Variants in ACACA observed in about 807,000 individuals in gnomAD.
The protein encoded by ACACA is acetyl-CoA carboxylase alpha, also known as acetyl-CoA carboxylase 1.
A neutral mutation model predicts 296.1 loss-of-function variants in ACACA; 103 were observed. The ratio of observed to expected loss-of-function variants is 0.35; its 90% CI spans 0.30 to 0.41. ACACA has a LOEUF of 0.41. Ranked by LOEUF, ACACA falls within the 10% of genes least tolerant of loss-of-function variation. The pLI is 1.00. For synonymous variants in ACACA, 953 were observed against 1,038.6 expected, an observed-to-expected ratio of 0.92 and a Z score of 1.58; for missense variants, 1,554 against 2,989.7, an observed-to-expected ratio of 0.52 and a Z score of 11.20.
intron 49 of ACACA, among the ~76,000 whole-genome samples, chr17:37,121,902 C>T (rs2074544480): frequency 6.6e-6 from 1 of 152,206 alleles, no homozygotes; most frequent in South Asian, 2.1e-4. Context: ...ATTGACGTCA[C>T]ACTGCTGAAT....
At chr17:37,400,740 C>CTGTGTCTGTG (rs1555675216) in intron 1 of ACACA, among the ~76,000 whole-genome samples, 1 of 147,460 alleles carries the variant, frequency 6.8e-6, no homozygotes, top group Non-Finnish European at 1.5e-5. Flanking sequence ...GTGTGTGTGT[C>CTGTGTCTGTG]TGTGTGTGTG....
At chr17:37,249,936 C>T (rs890365332) in intron 16 of ACACA, among the ~76,000 whole-genome samples, 2 of 152,324 alleles carry the variant, frequency 1.3e-5, no homozygotes, top group South Asian at 4.1e-4. Flanking sequence ...ATAAGTCTCA[C>T]GAGAGCTGAT....
chr17:37,301,018 TACAAA>T (rs1303081481), intron 3 of ACACA, among the ~76,000 whole-genome samples: 1 of 152,160 alleles, frequency 6.6e-6, no homozygotes, highest in East Asian at 1.9e-4. Flanking sequence ...CTTAAGTGTC[TACAAA>T]ACAAACTTGT....
At chr17:37,378,012 A>G in intron 1 of ACACA, 1 of 1,542,702 alleles carries the variant, frequency 6.5e-7, no homozygotes, top group South Asian at 1.1e-5. Context: ...ATTCCAAAAA[A>G]TTTTTACCTT....
At chr17:37,356,298 T>C (rs180853509) in intron 1 of ACACA, among the ~76,000 whole-genome samples, 151,739 of 152,352 alleles carry the variant, frequency 1, 75,564 homozygotes, top group Middle Eastern at 1. Flanking sequence ...GCCAATGAGT[T>C]TCTACTGTTT....
intron 41 of ACACA, among the ~76,000 whole-genome samples, chr17:37,165,002 A>AG (rs1455285499): frequency 6.6e-6 from 1 of 152,200 alleles, no homozygotes; most frequent in East Asian, 1.9e-4. Context: ...GCAATTGGCT[A>AG]GGTCATTATG....
intron 11 of ACACA, among the ~76,000 whole-genome samples, chr17:37,262,837 C>T (rs1237394417): frequency 6.6e-6 from 1 of 152,076 alleles, no homozygotes; most frequent in African/African-American, 2.4e-5. Context: ...TCAAGTGATC[C>T]TCCCACCTCA....
intron 45 of ACACA, chr17:37,144,450 T>C: frequency 3.5e-6 from 1 of 287,824 alleles, no homozygotes; most frequent in Non-Finnish European, 6.7e-6. Context: ...CTTCCCTTCT[T>C]GAGCCTCCAT....
At position 37,085,459 on chromosome 17, in the gene ACACA, T is replaced by C; in HGVS notation, c.*1857A>G. 2.5e-6 allele frequency: 1 copy of C among 397,156 alleles called. No homozygotes were observed. 24.6% of individuals were successfully genotyped at this position (397,156 alleles called of 1,614,324 possible). On this transcript the variant is annotated 3_prime_UTR_variant, in exon 56 of 56. Coordinates refer to ENST00000616317, the MANE Select transcript of ACACA (RefSeq NM_198834.3). ...TGCAGGACTTCATACCACTTGTAGATATGTGGGATTTGATTTATTGCAAAA... is the reference window on the plus strand; with the variant it reads ...TGCAGGACTTCATACCACTTGTAGACATGTGGGATTTGATTTATTGCAAAA...
intron 10 of ACACA, among the ~76,000 whole-genome samples, chr17:37,267,996 A>C (rs2081871906): frequency 6.6e-6 from 1 of 151,630 alleles, no homozygotes; most frequent in Admixed American, 6.6e-5. Context: ...CCTGATATTG[A>C]CTTCTTAATT....
In ACACA at chr17:37,245,156, T is replaced by C; in HGVS notation, c.2519A>G (p.Lys840Arg). 1.9e-6 allele frequency: 3 copies of C among 1,614,212 alleles called. No individual in the cohort carries two copies. The highest frequency in any genetic ancestry group is 2.5e-6 in the Non-Finnish European group (3 of 1,180,024). Reference protein sequence around the residue: ...AVESGCIHYVKRPGAALDPGC... With the variant: ...AVESGCIHYVRRPGAALDPGC... ...AGGGTCAAGAGCTGCTCCAGGTCGC[T>C]TGACGTAATGGATACAGCCAGACTC... Residue 840 changes from lysine (K) to arginine (R), a missense_variant, in exon 20 of 56, where the codon AAG becomes AGG. Lys to Arg is a conservative substitution (Grantham distance 26). Transcript: ENST00000616317.
At chr17:37,200,583 T>A (rs1047356592) in intron 33 of ACACA, 100 bp from the exon 34 acceptor site, 1 of 1,090,398 alleles carries the variant, frequency 9.2e-7, no homozygotes, top group Non-Finnish European at 1.4e-6. Flanking sequence ...GAGTTAAACA[T>A]CCTTTTTGGA....
chr17:37,115,024 C>G lies in ACACA; in HGVS notation c.6275-1759G>C, dbSNP rs566472459. Among the ~76,000 whole-genome samples, 227 of 152,306 alleles carry G rather than the reference C, an allele frequency of 1.5e-3. 1 individual carries two copies. Among genetic ancestry groups the G allele is most frequent in the Middle Eastern group, 6.8e-3 (2 of 294 alleles). On this transcript the variant is annotated intron_variant, in intron 50 of 55. Transcript: ENST00000616317. Reference sequence around the variant, plus strand: ...ACTGCAAGGCACATGCTCCACTGCCCCAACCTGGTGTGTCTGTGAAGACTT... The same window carrying G: ...ACTGCAAGGCACATGCTCCACTGCCGCAACCTGGTGTGTCTGTGAAGACTT...
chr17:37,314,789 T>C (rs1598465943), intron 3 of ACACA, among the ~76,000 whole-genome samples: 1 of 151,364 alleles, frequency 6.6e-6, no homozygotes, highest in East Asian at 2.0e-4. Flanking sequence ...TACAGGTACA[T>C]GTCCCCATGC....
In ACACA at chr17:37,406,348, A is replaced by G; in HGVS notation, c.-49T>C. On this transcript the variant is annotated 5_prime_UTR_variant, in exon 1 of 56. Coordinates refer to ENST00000616317, the MANE Select transcript of ACACA (RefSeq NM_198834.3). ...TGGGCCTCTGAAGCCCAAAGAGGGG[A>G]TGGTTCTTTCCAAAGAAGACAATTT... 1.2e-6 allele frequency: 2 copies of G among 1,603,132 alleles called. No homozygotes were observed. The highest frequency in any genetic ancestry group is 1.7e-6 in the Non-Finnish European group (2 of 1,170,066).
rs181442392 is a variant in ACACA at position 37,112,336 on chromosome 17, G to A, written c.6453-693C>T. 2.6e-3 allele frequency among the ~76,000 whole-genome samples: 401 copies of A among 152,268 alleles called. 5 individuals are homozygous for A. The Middle Eastern group carries it at 0.031, about 12-fold the overall frequency. On this transcript the variant is annotated intron_variant, in intron 51 of 55. Coordinates refer to ENST00000616317, the MANE Select transcript of ACACA (RefSeq NM_198834.3). Reference sequence around the variant, plus strand: ...TAATGTTTACTATGTACATGGCACTGTTCTAATAACTTACATATAAATCCT... The same window carrying A: ...TAATGTTTACTATGTACATGGCACTATTCTAATAACTTACATATAAATCCT...
intron 41 of ACACA, among the ~76,000 whole-genome samples, chr17:37,172,877 G>A (rs537945929): frequency 6.6e-6 from 1 of 152,276 alleles, no homozygotes; most frequent in South Asian, 2.1e-4. Context: ...CATAGACCAT[G>A]GTCCTGTTTT....
intron 38 of ACACA, 59 bp downstream of exon 38, chr17:37,191,061 G>T: frequency 6.3e-7 from 1 of 1,586,820 alleles, no homozygotes; most frequent in South Asian, 1.1e-5. Context: ...AGATAAATAT[G>T]AATGAACTTC....
chr17:37,149,718 G>A (rs2075959999), intron 45 of ACACA, 146 bp downstream of exon 45: 5 of 710,040 alleles, frequency 7.0e-6, no homozygotes, highest in East Asian at 5.2e-5. Context: ...AAGTCAATGG[G>A]CAGAAAAGAT....
Sources: allele counts gnomAD v4.1 joint callset (sites outside exome capture counted in the v4.1 genomes callset), GRCh38; gene constraint gnomAD v4.1.1; transcripts MANE v1.5; gene names NCBI Gene and HGNC (gene_info 2026-07-23, HGNC 2026-07-21).